Variants in RNF135 observed in about 807,000 individuals in gnomAD.
The protein encoded by RNF135 is E3 ubiquitin-protein ligase RNF135.
In RNF135, 46 loss-of-function variants were observed where a neutral mutation model predicts 41.9. That is an observed-to-expected ratio of 1.10 (90% confidence interval 0.87 to 1.40). RNF135 has a LOEUF of 1.40. RNF135 is among the 40% of genes most tolerant of loss of function. The probability of loss-of-function intolerance (pLI) is 0.00; values close to 1 mark genes in which losing one functional copy is unlikely to be tolerated. For synonymous variants in RNF135, 238 were observed against 223.8 expected (o/e 1.06, Z -0.57); for missense variants, 539 against 549.8 (o/e 0.98, Z 0.20).
chr17:30,998,186 C>T (rs979028813), intron 4 of RNF135, among the ~76,000 whole-genome samples: 1 of 152,144 alleles, frequency 6.6e-6, no homozygotes, highest in Non-Finnish European at 1.5e-5. Flanking sequence ...GCTGGGATTA[C>T]AGGGGTAAGC....
At chr17:30,995,008 C>T (rs1466214498) in intron 3 of RNF135, among the ~76,000 whole-genome samples, 3 of 152,006 alleles carry the variant, frequency 2.0e-5, no homozygotes, top group African/African-American at 4.8e-5. Flanking sequence ...TGTGGCACAA[C>T]TATGGCTCAC....
intron 2 of RNF135, among the ~76,000 whole-genome samples, chr17:30,986,524 G>A (rs888257723): frequency 4.6e-5 from 7 of 152,106 alleles, no homozygotes; most frequent in African/African-American, 1.7e-4. Flanking sequence ...CCACCATTGT[G>A]TCCCCAGGCG....
At chr17:30,966,736 A>G (rs374072156), upstream of RNF135, among the ~76,000 whole-genome samples, 113 of 148,840 alleles carry the variant, frequency 7.6e-4, 3 homozygotes, top group South Asian at 0.024. Context: ...TGATCTCTTG[A>G]CCTCGTGATC....
intron 1 of RNF135, among the ~76,000 whole-genome samples, chr17:30,979,486 G>C (rs1377408503): frequency 8.2e-6 from 1 of 122,292 alleles, no homozygotes; most frequent in African/African-American, 3.0e-5. Context: ...CGGCCGGAAG[G>C]GGGGCTGACC....
intron 3 of RNF135, among the ~76,000 whole-genome samples, chr17:30,990,286 G>A (rs1907896843): frequency 6.6e-6 from 1 of 152,082 alleles, no homozygotes; most frequent in African/African-American, 2.4e-5. Context: ...ACTTTGTGAG[G>A]CCAAGGAGGG....
chr17:30,981,952 C>A (rs1178072242), intron 1 of RNF135, among the ~76,000 whole-genome samples: 1 of 152,242 alleles, frequency 6.6e-6, no homozygotes, highest in African/African-American at 2.4e-5. Flanking sequence ...GACAGAAGCA[C>A]CTTGTGGCCA....
In RNF135 at chr17:30,998,776, A is replaced by G; in HGVS notation, c.884A>G (p.Glu295Gly). The G allele has an allele frequency of 6.2e-7, 1 of 1,613,234 alleles. No individual in the cohort carries two copies. Among genetic ancestry groups the G allele is most frequent in the Non-Finnish European group, 8.5e-7 (1 of 1,179,728 alleles). ...CCACAACCCTATCGCTGGAGCTGTG[A>G]GAGGTTTTCTACCAGCCAGGTCTTA... ...HRPQPYRWSC[E>G]RFSTSQVLCS... The change falls in exon 5 of 5, where the codon GAG (glutamate) becomes GGG (glycine). Residue 295 changes from glutamate (E) to glycine (G), a missense_variant. By Grantham distance (98) the Glu-to-Gly change is moderately conservative. Around this residue, in one of 2 missense-constraint regions of RNF135, gnomAD observed 262 missense variants for 336.9 expected, o/e 0.78. Coordinates refer to ENST00000328381, the MANE Select transcript of RNF135 (RefSeq NM_032322.4).
the RNF135 span, among the ~76,000 whole-genome samples, chr17:30,960,720 ATTTTATTTTATTTATTTTATTTTATT>A: frequency 7.3e-3 from 931 of 126,988 alleles, 10 homozygotes; most frequent in African/African-American, 0.044. Context: ...ATTTTATTTT[ATTTTATTTTATTTATTTTATTTTATT>A]TTTTTTTTTT....
intron 1 of RNF135, among the ~76,000 whole-genome samples, chr17:30,983,354 T>TATATATATATATATATATATA (rs1491179041): frequency 3.1e-4 from 8 of 25,670 alleles, no homozygotes; most frequent in Non-Finnish European, 4.1e-4. Context: ...TATATATATA[T>TATATATATATATATATATATA]TTTTTTTTTT....
upstream of RNF135, among the ~76,000 whole-genome samples, chr17:30,966,800 C>T (rs931468701): frequency 4.0e-5 from 6 of 150,974 alleles, no homozygotes; most frequent in South Asian, 2.1e-4. Flanking sequence ...CCACCGCGCC[C>T]GACCTCAAAT....
chr17:30,966,668 T>C (rs1418824699), upstream of RNF135, among the ~76,000 whole-genome samples: 1 of 150,888 alleles, frequency 6.6e-6, no homozygotes, highest in Non-Finnish European at 1.5e-5. Context: ...GCTAATTTTT[T>C]TTTTTTTTTT....
Position 30,971,232 on chromosome 17 carries a change from C to G in RNF135, c.159C>G (p.Asp53Glu). ...TGGAGGCCCTGTGGGGCGCCCGCGA[C>G]GCCCGCCGCTGGGCCTGCCCCACTT... ...HCLEALWGAR[D>E]ARRWACPTCR... The change falls in exon 1 of 5, where the codon GAC (aspartate) becomes GAG (glutamate). Residue 53 changes from aspartate (D) to glutamate (E), a missense_variant. Asp to Glu is a conservative substitution (Grantham distance 45, BLOSUM62 2). Coordinates refer to ENST00000328381, the MANE Select transcript of RNF135 (RefSeq NM_032322.4). 6.6e-7 allele frequency: 1 copy of G among 1,513,430 alleles called. No homozygotes were observed. The highest frequency in any genetic ancestry group is 8.8e-7 in the Non-Finnish European group (1 of 1,137,390). The allele number at this position is 1,513,430 out of a possible 1,614,324, so 93.8% of individuals were successfully genotyped here. A position where few individuals can be genotyped will look rare whatever the true frequency, so the allele number is the denominator to read the frequency against.
At chr17:30,968,721 T>G (rs1905661019), upstream of RNF135, 1 of 152,058 alleles carries the variant, frequency 6.6e-6, no homozygotes, top group Non-Finnish European at 1.5e-5. Context: ...CACTGCATGA[T>G]TTTGCATAAA....
At chr17:30,998,540 T>G (rs1674652876) in intron 4 of RNF135, 122 bp from the exon 5 acceptor site, 4 of 941,974 alleles carry the variant, frequency 4.2e-6, no homozygotes, top group Admixed American at 1.9e-5. Context: ...GTAGCAATTT[T>G]AATGCTAGTG....
At chr17:30,969,732 T>TTTTTCTTTC (rs1451616736), upstream of RNF135, among the ~76,000 whole-genome samples, 3 of 151,742 alleles carry the variant, frequency 2.0e-5, no homozygotes, top group Admixed American at 6.6e-5. Flanking sequence ...CAAACGCTTT[T>TTTTTCTTTC]TTTTCTTTCT....
upstream of RNF135, chr17:30,970,807 G>T: frequency 1.8e-6 from 1 of 546,000 alleles, no homozygotes; most frequent in Middle Eastern, 4.9e-4. Flanking sequence ...GGAGACCTCC[G>T]CGGGTTTCTA....
At chr17:30,971,695 ACTT>A in intron 1 of RNF135, 1 of 1,326,536 alleles carries the variant, frequency 7.5e-7, no homozygotes. Flanking sequence ...GCATATTTCA[ACTT>A]CTTCCCAATC....
intron 3 of RNF135, among the ~76,000 whole-genome samples, chr17:30,989,820 C>T (rs916766416): frequency 9.3e-5 from 14 of 151,180 alleles, no homozygotes; most frequent in African/African-American, 2.2e-4. Context: ...GTCAACCTGG[C>T]GAAACCCTGT....
intron 1 of RNF135, among the ~76,000 whole-genome samples, chr17:30,982,802 A>G: frequency 6.6e-6 from 1 of 152,196 alleles, no homozygotes; most frequent in Admixed American, 6.5e-5. Flanking sequence ...TGAAACCATC[A>G]CTACCATCAT....
Sources: gnomAD v4.1 joint callset for allele counts (sites outside exome capture counted in the v4.1 genomes callset) on GRCh38, gnomAD v4.1.1 for gene constraint, gnomAD v4.1.1 regional missense constraint, MANE v1.5 for transcripts, NCBI Gene and HGNC (gene_info 2026-07-23, HGNC 2026-07-21) for gene names.